The following SYNE2 variants were observed in gnomAD, a reference collection of about 807,000 sequenced individuals.
SYNE2 encodes nesprin-2.
A neutral mutation model predicts 856.3 loss-of-function variants in SYNE2; 431 were observed. The ratio of observed to expected loss-of-function variants is 0.50; its 90% CI spans 0.47 to 0.55. The LOEUF (loss-of-function observed/expected upper bound fraction) is 0.55. Ranked by LOEUF, SYNE2 falls within the 20% of genes least tolerant of loss-of-function variation. The probability of loss-of-function intolerance (pLI) is 0.00; values close to 1 mark genes in which losing one functional copy is unlikely to be tolerated. For synonymous variants in SYNE2, 2,923 were observed against 2,872.3 expected, an observed-to-expected ratio of 1.02 and a Z score of -0.56; for missense variants, 8,129 against 8,023.2, an observed-to-expected ratio of 1.01 and a Z score of -0.50.
chr14:63,788,551 G>A (rs1887623511), intron 1 of SYNE2, among the ~76,000 whole-genome samples: 1 of 151,906 alleles, frequency 6.6e-6, no homozygotes, highest in South Asian at 2.1e-4. Context: ...GGAGAGCGGG[G>A]CTCCTGCCTG....
chr14:63,948,762 A>ATATATGTGTG, intron 6 of SYNE2, among the ~76,000 whole-genome samples: 1 of 67,072 alleles, frequency 1.5e-5, no homozygotes, highest in African/African-American at 4.7e-5. Context: ...ATATATATGT[A>ATATATGTGTG]TATATATGTA....
Position 64,225,359 on chromosome 14 carries a change from AG to A in SYNE2, c.20560del (p.Val6854TrpfsTer45), listed in dbSNP as rs1314419057. 6.2e-7 allele frequency: 1 copy of A among 1,613,980 alleles called. No homozygotes were observed. On this transcript the variant is annotated frameshift_variant, in exon 116 of 116. Transcript: ENST00000555002. LOFTEE classifies it high-confidence loss of function. ...STRPQRSFLS[R>X]VVRAALPLQL... is the part of the protein sequence containing the mutation. ...ACGGCCACAGCGCTCCTTCCTCTCA[AG>A]GGTGGTCCGGGCAGCCCTACCCCTG...
Position 63,949,877 on chromosome 14 carries a change from A to G in SYNE2, c.461A>G (p.Asp154Gly). 2.5e-6 allele frequency: 4 copies of G among 1,614,156 alleles called. No individual in the cohort carries two copies. Among genetic ancestry groups the G allele is most frequent in the South Asian group, 2.2e-5 (2 of 91,078 alleles). The change falls in exon 7 of 116, where the codon GAT (aspartate) becomes GGT (glycine). Residue 154 changes from aspartate to glycine, a missense_variant. Coordinates refer to ENST00000555002, the MANE Select transcript of SYNE2 (RefSeq NM_182914.3). Reference sequence around the variant, plus strand: ...TGCAATTACAATCAGCCTTCCCTGGATGATGTGAGTGTGGTTGACTCATCT... The same window carrying G: ...TGCAATTACAATCAGCCTTCCCTGGGTGATGTGAGTGTGGTTGACTCATCT... ...LSCNYNQPSL[D>G]DVSVVDSSPA...
intron 9 of SYNE2, among the ~76,000 whole-genome samples, chr14:63,962,040 T>C (rs2153448040): frequency 6.6e-6 from 1 of 151,746 alleles, no homozygotes; most frequent in South Asian, 2.1e-4. Flanking sequence ...TTTTTATTTT[T>C]ATTTTTATTT....
chr14:64,205,638 A>G (rs939712533), intron 100 of SYNE2, among the ~76,000 whole-genome samples: 4 of 152,166 alleles, frequency 2.6e-5, no homozygotes, highest in Non-Finnish European at 5.9e-5. Flanking sequence ...CAGACCCTAT[A>G]GGAGTCCTTT....
rs749296748 is a variant in SYNE2 at position 64,225,374 on chromosome 14, G to A, written c.20572G>A (p.Ala6858Thr). ...CTTCCTCTCAAGGGTGGTCCGGGCA[G>A]CCCTACCCCTGCAGCTGCTCCTCCT... The part of the protein sequence containing the change: ...RSFLSRVVRA[A>T]LPLQLLLLLL... Residue 6858 changes from alanine to threonine, a missense_variant, in exon 116 of 116, where the codon GCC (alanine) becomes ACC (threonine). Physicochemically the swap from Ala to Thr is moderately conservative, Grantham distance 58 (BLOSUM62 0). Coordinates refer to ENST00000555002, the MANE Select transcript of SYNE2 (RefSeq NM_182914.3). 4 of 1,614,118 alleles carry A rather than the reference G, an allele frequency of 2.5e-6. No homozygotes were observed. Among genetic ancestry groups the A allele is most frequent in the East Asian group, 4.5e-5 (2 of 44,884 alleles).
intron 26 of SYNE2, among the ~76,000 whole-genome samples, 161 bp downstream of exon 26, chr14:63,998,489 A>G (rs2096729955): frequency 6.6e-6 from 1 of 152,148 alleles, no homozygotes; most frequent in Non-Finnish European, 1.5e-5. Flanking sequence ...AGTTGACAGT[A>G]ATTTTAAAAT....
intron 1 of SYNE2, among the ~76,000 whole-genome samples, chr14:63,798,676 G>A (rs1207886770): frequency 1.3e-5 from 2 of 152,080 alleles, no homozygotes; most frequent in Non-Finnish European, 2.9e-5. Context: ...TTACAGGCAT[G>A]AGCCACCACG....
chr14:63,773,506 G>A (rs1274251022), intron 1 of SYNE2, among the ~76,000 whole-genome samples: 2 of 151,982 alleles, frequency 1.3e-5, no homozygotes, highest in African/African-American at 4.8e-5. Flanking sequence ...TGGCTAATAC[G>A]CTACATTTTT....
intron 64 of SYNE2, among the ~76,000 whole-genome samples, chr14:64,106,194 C>T (rs904504374): frequency 6.9e-5 from 10 of 145,758 alleles, no homozygotes; most frequent in African/African-American, 2.5e-4. Flanking sequence ...CCAAACTTAG[C>T]CAGTGGTTTA....
intron 23 of SYNE2, among the ~76,000 whole-genome samples, 161 bp from the exon 24 acceptor site, chr14:63,996,786 C>G (rs551256959): frequency 2.6e-4 from 40 of 152,156 alleles, no homozygotes. Context: ...TTAGAGCTGA[C>G]TCTCTCATCT....
At chr14:63,849,394 T>C (rs1890332570), upstream of SYNE2, among the ~76,000 whole-genome samples, 1 of 152,148 alleles carries the variant, frequency 6.6e-6, no homozygotes, top group Non-Finnish European at 1.5e-5. Flanking sequence ...GTGTTGTTTT[T>C]AAATTCACTT....
intron 1 of SYNE2, among the ~76,000 whole-genome samples, chr14:63,767,761 T>C (rs1886740529): frequency 6.6e-6 from 1 of 152,214 alleles, no homozygotes; most frequent in Non-Finnish European, 1.5e-5. Flanking sequence ...TCTTTTTGTA[T>C]TGAATCAGCT....
chr14:64,222,748 C>T (rs1223722571), intron 112 of SYNE2, among the ~76,000 whole-genome samples: 1 of 152,090 alleles, frequency 6.6e-6, no homozygotes, highest in Non-Finnish European at 1.5e-5. Context: ...AAATGAATAG[C>T]CACATGTGTC....
At chr14:64,037,895 A>AC (rs2097108053) in intron 45 of SYNE2, among the ~76,000 whole-genome samples, 2 of 142,178 alleles carry the variant, frequency 1.4e-5, no homozygotes, top group East Asian at 2.1e-4. Context: ...CGGGGGGCTG[A>AC]CCCCCAACCT....
At position 64,225,053 on chromosome 14, in the gene SYNE2, G is replaced by T. The variant is rs1305051879; in HGVS notation, c.20516+8G>T. 5.0e-6 allele frequency: 8 copies of T among 1,613,706 alleles called. No homozygotes were observed. The highest frequency in any genetic ancestry group is 6.8e-6 in the Non-Finnish European group (8 of 1,179,868). ...GGAGGAGACAGAGAGCAGGTAACGG[G>T]GCTTTACCGTGACAGCAGTGCGTTC... On this transcript the variant is annotated splice_region_variant and intron_variant, in intron 115 of 115. Coordinates refer to ENST00000555002, the MANE Select transcript of SYNE2 (RefSeq NM_182914.3).
chr14:64,021,538 C>T (rs1369478255), intron 36 of SYNE2, 23 bp downstream of exon 36: 2 of 1,612,268 alleles, frequency 1.2e-6, no homozygotes, highest in Non-Finnish European at 1.7e-6. Context: ...TGCTTGTCTT[C>T]TGTGGTTCAG....
intron 41 of SYNE2, 127 bp downstream of exon 41, chr14:64,025,548 C>G: frequency 1.1e-6 from 1 of 930,224 alleles, no homozygotes; most frequent in Non-Finnish European, 1.6e-6. Flanking sequence ...TGAAGAAATT[C>G]AGATCACTGA....
intron 28 of SYNE2, among the ~76,000 whole-genome samples, chr14:64,001,542 A>G (rs1001974851): frequency 3.3e-5 from 5 of 152,238 alleles, no homozygotes; most frequent in Non-Finnish European, 5.9e-5. Context: ...AAAAGAAGAA[A>G]AAAAGAATAC....
Sources: allele counts gnomAD v4.1 joint callset (sites outside exome capture counted in the v4.1 genomes callset), GRCh38; gene constraint gnomAD v4.1.1; transcripts MANE v1.5; gene names NCBI Gene and HGNC (gene_info 2026-07-23, HGNC 2026-07-21).